The following KIF19 variants were observed in gnomAD, a reference collection of about 807,000 sequenced individuals.
The protein encoded by KIF19 is kinesin family member 19.
KIF19 carries 98 observed loss-of-function variants against 106.6 expected under a neutral mutation model. The observed-to-expected ratio is 0.92, with a 90% CI of 0.78 to 1.09. The LOEUF is 1.09. KIF19 is among the 50% of genes least tolerant of loss of function. The probability of loss-of-function intolerance (pLI) is 0.00; values close to 1 mark genes in which losing one functional copy is unlikely to be tolerated. For synonymous variants in KIF19, 516 were observed against 584.2 expected, an observed-to-expected ratio of 0.88 and a Z score of 1.68; for missense variants, 1,373 against 1,414.3, an observed-to-expected ratio of 0.97 and a Z score of 0.47.
At position 74,352,125 on chromosome 17, in the gene KIF19, C is replaced by G. The variant is rs776914049; in HGVS notation, c.1846C>G (p.Gln616Glu). The G allele has an allele frequency of 5.1e-6, 8 of 1,582,090 alleles. No individual in the cohort carries two copies. The African/African-American group carries it at 1.1e-4, about 21-fold the overall frequency. The change falls in exon 13 of 20, where the codon CAG (glutamine) becomes GAG (glutamate). Residue 616 changes from glutamine (Q) to glutamate (E), a missense_variant. By Grantham distance (29) the Gln-to-Glu change is conservative. Transcript: ENST00000389916. The stretch of plus-strand genomic sequence containing the variant: ...CGACGAGATTATCCAGGGCCAGCGG[C>G]AGATCATCGACGGTAGGGCCCACGC... Reference protein sequence around the residue: ...LCDEIIQGQRQIIDDYNLAVP... With the variant: ...LCDEIIQGQREIIDDYNLAVP...
Position 74,353,528 on chromosome 17 carries a change from A to G in KIF19, c.2255A>G (p.Asn752Ser). 11 of 1,613,660 alleles carry G rather than the reference A, an allele frequency of 6.8e-6. No homozygotes were observed. Among genetic ancestry groups the G allele is most frequent in the Non-Finnish European group, 9.3e-6 (11 of 1,179,840 alleles). The change falls in exon 17 of 20, where the codon AAC becomes AGC. Residue 752 changes from asparagine (N) to serine (S), a missense_variant. This residue lies in a region of KIF19 where 1,020 missense variants were observed against 1,008.2 expected (regional missense o/e 1.01). Coordinates refer to ENST00000389916, the MANE Select transcript of KIF19 (RefSeq NM_153209.4). The part of the protein sequence containing the change: ...PAQDSLGSWI[N>S]SSPDSSENLS... ...CAGGACAGCCTGGGCAGCTGGATCA[A>G]CTCTTCCCCTGACAGCAGTGAGAAC...
Position 74,342,492 on chromosome 17 carries a change from C to A in KIF19, c.232-138C>A, listed in dbSNP as rs898910991. On this transcript the variant is annotated intron_variant, in intron 3 of 19. Coordinates refer to ENST00000389916, the MANE Select transcript of KIF19 (RefSeq NM_153209.4). ...GTGTAAGCAGAGACATCCCCTCCCC[C>A]ACCCCCCACCCCCACTTATCTTGGG... is the stretch of plus-strand genomic sequence containing the variant. 3.5e-5 allele frequency: 23 copies of A among 662,746 alleles called. No individual in the cohort carries two copies. The South Asian group carries it at 3.9e-4, about 11-fold the overall frequency. The allele number at this position is 662,746 out of a possible 1,614,324, so 41.1% of individuals were successfully genotyped here. A position where few individuals can be genotyped will look rare whatever the true frequency, so the allele number is the denominator to read the frequency against.
Position 74,343,167 on chromosome 17 carries a change from C to G in KIF19, c.456+7C>G. On this transcript the variant is annotated splice_region_variant and intron_variant, in intron 5 of 19. Transcript: ENST00000389916. ...CTCCATGTCCTACCTGGAGGTGAGT[C>G]CCCCAGCCTAGGCTCAGATGGGGCT... The G allele has an allele frequency of 1.2e-6, 2 of 1,611,304 alleles. No homozygotes were observed. The highest frequency in any genetic ancestry group is 2.2e-5 in the South Asian group (2 of 90,908).
chr17:74,353,710 T>G, intron 17 of KIF19, 129 bp downstream of exon 17: 1 of 744,550 alleles, frequency 1.3e-6, no homozygotes, highest in Non-Finnish European at 2.3e-6. Flanking sequence ...CTACACATTC[T>G]GTAGAGGCAC....
chr17:74,340,555 G>GCAGACACACACACACACACACACA, intron 2 of KIF19, among the ~76,000 whole-genome samples: 19 of 148,306 alleles, frequency 1.3e-4, no homozygotes, highest in African/African-American at 3.5e-4. Flanking sequence ...ATGCGCGCGC[G>GCAGACACACACACACACACACACA]TACACACACA....
At chr17:74,352,675 C>T (rs947552073) in intron 14 of KIF19, 146 bp from the exon 15 acceptor site, 17 of 1,012,674 alleles carry the variant, frequency 1.7e-5, no homozygotes, top group Admixed American at 6.6e-5. Context: ...AGCTTAACCC[C>T]GAGGACCCAA....
intron 15 of KIF19, 110 bp from the exon 16 acceptor site, chr17:74,353,086 C>A (rs1367883898): frequency 2.2e-6 from 3 of 1,386,490 alleles, no homozygotes; most frequent in Non-Finnish European, 1.0e-6. Context: ...GGAGCCAGGA[C>A]TCCTGGGTTC....
rs1030605102 is a variant in KIF19 at position 74,346,919 on chromosome 17, G to C, written c.924+395G>C. On this transcript the variant is annotated intron_variant, in intron 8 of 19. Transcript: ENST00000389916. The surrounding 1 kb of genome is among the most constrained non-coding windows in gnomAD (Gnocchi z 4.6). ...CCTCCTTTGTGCAGGGGTGTCCTTG[G>C]CCTTAAATTATAGCAGCATCACTGA... 6.6e-6 allele frequency among the ~76,000 whole-genome samples: 1 copy of C among 152,100 alleles called. No individual in the cohort carries two copies. Among genetic ancestry groups the C allele is most frequent in the African/African-American group, 2.4e-5 (1 of 41,408 alleles).
chr17:74,334,555 G>A (rs1483643056), intron 2 of KIF19, among the ~76,000 whole-genome samples: 1 of 152,182 alleles, frequency 6.6e-6, no homozygotes, highest in Non-Finnish European at 1.5e-5. Context: ...TGTGTCCTAA[G>A]CAGCCAGCTG....
chr17:74,338,836 G>A (rs926566778), intron 2 of KIF19, among the ~76,000 whole-genome samples: 12 of 151,820 alleles, frequency 7.9e-5, no homozygotes, highest in East Asian at 1.9e-4. Flanking sequence ...CATGGAGCCC[G>A]GCTGTGCTCA....
chr17:74,347,927 A>G, intron 9 of KIF19, 28 bp downstream of exon 9: 1 of 1,563,142 alleles, frequency 6.4e-7, no homozygotes, highest in Non-Finnish European at 8.7e-7. Flanking sequence ...GTCCACCAGG[A>G]CACACCTTCC....
chr17:74,355,141 G>T (rs2054843365), intron 19 of KIF19, 41 bp from the exon 20 acceptor site: 2 of 1,558,752 alleles, frequency 1.3e-6, no homozygotes, highest in Non-Finnish European at 1.7e-6. Flanking sequence ...AGTTGGGGAG[G>T]CATTCCGAAA....
chr17:74,339,126 T>C (rs192954624), intron 2 of KIF19, among the ~76,000 whole-genome samples: 19 of 151,948 alleles, frequency 1.3e-4, no homozygotes, highest in Admixed American at 9.2e-4. Flanking sequence ...ACCCTGGGTG[T>C]TGGGGCTTCC....
rs1256382613 is a variant in KIF19, at chr17:74,346,133, T to C, written c.778-245T>C. Among the ~76,000 whole-genome samples, 1 of 152,242 alleles carries C rather than the reference T, an allele frequency of 6.6e-6. No homozygotes were observed. Among genetic ancestry groups the C allele is most frequent in the Non-Finnish European group, 1.5e-5 (1 of 68,030 alleles). ...GTGTGTCAGGCCGTGCCACGGCACC[T>C]GCCCTGAGGAGAACCGGCCATCTCA... is the stretch of plus-strand genomic sequence containing the variant. On this transcript the variant is annotated intron_variant, in intron 7 of 19. Coordinates refer to ENST00000389916, the MANE Select transcript of KIF19 (RefSeq NM_153209.4). This position sits in a 1 kb window ranked among gnomAD's most constrained non-coding sequence, Gnocchi z 4.6.
intron 1 of KIF19, among the ~76,000 whole-genome samples, chr17:74,328,077 C>T (rs1189216352): frequency 6.6e-6 from 1 of 152,206 alleles, no homozygotes; most frequent in African/African-American, 2.4e-5. Context: ...TGCAGCACGT[C>T]ATTCGCGGAA....
At position 74,352,090 on chromosome 17, in the gene KIF19, G is replaced by T. The variant is rs751181401; in HGVS notation, c.1811G>T (p.Arg604Leu). 4 of 1,588,466 alleles carry T rather than the reference G, an allele frequency of 2.5e-6. No homozygotes were observed. In the Admixed American group the frequency reaches 6.9e-5, roughly 27 times the overall value. Residue 604 changes from arginine (R) to leucine (L), a missense_variant, in exon 13 of 20, where the codon CGC (arginine) becomes CTC (leucine). Coordinates refer to ENST00000389916, the MANE Select transcript of KIF19 (RefSeq NM_153209.4). ...GCCGTGCGCCGCCTGGAGCAGCACC[G>T]CAGTCTCTGCGACGAGATTATCCAG... ...HEAVRRLEQH[R>L]SLCDEIIQGQ... is the part of the protein sequence containing the mutation.
chr17:74,342,532 G>T, intron 3 of KIF19, 98 bp from the exon 4 acceptor site: 1 of 918,840 alleles, frequency 1.1e-6, no homozygotes, highest in Non-Finnish European at 1.7e-6. Context: ...GGGCTCCAGG[G>T]ACAGAAACCT....
At position 74,354,462 on chromosome 17, in the gene KIF19, G is replaced by C; in HGVS notation, c.2609G>C (p.Arg870Pro). ...HHGDGPRPWL[R>P]GQKKSLGKKR... ...GGGGACGGCCCCAGGCCCTGGCTGC[G>C]TGGCCAGAAGAAAAGCCTGGGCAAG... Residue 870 changes from arginine to proline, a missense_variant, in exon 18 of 20, where the codon CGT becomes CCT. This residue lies in a region of KIF19 where 1,020 missense variants were observed against 1,008.2 expected (regional missense o/e 1.01). Transcript: ENST00000389916. 6.2e-7 allele frequency: 1 copy of C among 1,609,680 alleles called. No individual in the cohort carries two copies. The highest frequency in any genetic ancestry group is 1.1e-5 in the South Asian group (1 of 90,498).
chr17:74,326,909 C>T (rs1038308242), intron 1 of KIF19, among the ~76,000 whole-genome samples: 5 of 152,128 alleles, frequency 3.3e-5, no homozygotes, highest in African/African-American at 4.8e-5. Flanking sequence ...AGTCCGGATT[C>T]GAAGTAGTTC....
Sources: allele counts gnomAD v4.1 joint callset (sites outside exome capture counted in the v4.1 genomes callset), GRCh38; gene constraint gnomAD v4.1.1; regional missense constraint gnomAD v4.1.1; non-coding constraint Gnocchi (gnomAD v3.1); transcripts MANE v1.5; gene names NCBI Gene and HGNC (gene_info 2026-07-23, HGNC 2026-07-21).